The following PKD2L2 variants were observed in gnomAD, a reference collection of about 807,000 sequenced individuals.
The protein encoded by PKD2L2 is polycystin-2-like protein 2.
PKD2L2 carries 67 observed loss-of-function variants against 83.9 expected under a neutral mutation model. That is an observed-to-expected ratio of 0.80 (90% CI 0.66 to 0.98). The LOEUF is 0.98. PKD2L2 is among the 50% of genes least tolerant of loss of function. PKD2L2 has a pLI of 0.00. For synonymous variants in PKD2L2, 223 were observed against 237.8 expected (o/e 0.94, Z 0.57); for missense variants, 632 against 717.2 (o/e 0.88, Z 1.36).
At chr5:137,898,156 G>A (rs2150007052) in intron 4 of PKD2L2, among the ~76,000 whole-genome samples, 1 of 151,940 alleles carries the variant, frequency 6.6e-6, no homozygotes, top group Admixed American at 6.6e-5. Context: ...TAGTAGAGAT[G>A]GGGTTTCACC....
chr5:137,901,983 A>C (rs1316032146), intron 5 of PKD2L2, among the ~76,000 whole-genome samples: 1 of 152,104 alleles, frequency 6.6e-6, no homozygotes, highest in African/African-American at 2.4e-5. Context: ...AAATCATGAA[A>C]GAGATGTGGA....
intron 9 of PKD2L2, among the ~76,000 whole-genome samples, 159 bp from the exon 10 acceptor site, chr5:137,923,261 T>A (rs1033161401): frequency 6.6e-6 from 1 of 152,124 alleles, no homozygotes; most frequent in Non-Finnish European, 1.5e-5. Context: ...AGTGATTCAC[T>A]CACCTTGGTC....
intron 8 of PKD2L2, among the ~76,000 whole-genome samples, chr5:137,911,782 C>G (rs1257467614): frequency 6.6e-6 from 1 of 152,140 alleles, no homozygotes; most frequent in Admixed American, 6.6e-5. Context: ...ATTTTACACC[C>G]ATTGACATAC....
intron 8 of PKD2L2, among the ~76,000 whole-genome samples, chr5:137,911,120 C>T (rs1249405935): frequency 1.3e-5 from 2 of 152,116 alleles, no homozygotes; most frequent in Admixed American, 6.5e-5. Context: ...ACAATAACTC[C>T]CTATTTTCCC....
intron 9 of PKD2L2, 61 bp from the exon 10 acceptor site, chr5:137,923,359 A>T: frequency 1.2e-6 from 1 of 842,954 alleles, no homozygotes; most frequent in Non-Finnish European, 1.9e-6. Context: ...AAAACTTGTT[A>T]AAGTCATTAA....
chr5:137,913,491 A>AT (rs35300343), intron 8 of PKD2L2, among the ~76,000 whole-genome samples: 14,669 of 132,336 alleles, frequency 0.11, 822 homozygotes, highest in Middle Eastern at 0.15. Flanking sequence ...GCCATGGCTA[A>AT]TTTTTTTTTT....
At chr5:137,894,240 C>T in intron 3 of PKD2L2, 113 bp from the exon 4 acceptor site, 1 of 910,564 alleles carries the variant, frequency 1.1e-6, no homozygotes, top group African/African-American at 1.7e-5. Context: ...TTAATGGTAG[C>T]TTGGTCAATA....
chr5:137,941,856 C>A, intron 14 of PKD2L2: 1 of 1,127,302 alleles, frequency 8.9e-7, no homozygotes, highest in African/African-American at 1.6e-5. Context: ...TGCACAATTT[C>A]TAATCCCACG....
chr5:137,925,864 A>G lies in PKD2L2; in HGVS notation c.1617-11A>G, dbSNP rs770105339. On this transcript the variant is annotated splice_polypyrimidine_tract_variant and intron_variant, in intron 11 of 14. Transcript: ENST00000508883. ...CATTTGCCTCTGACTTTTATTTTAT[A>G]TTCTCAATAGCAAAGGCAGCGGAGA... The G allele has an allele frequency of 1.3e-6, 2 of 1,573,706 alleles. No individual in the cohort carries two copies. The highest frequency in any genetic ancestry group is 1.7e-6 in the Non-Finnish European group (2 of 1,147,944).
chr5:137,925,192 T>TTG, intron 11 of PKD2L2, 88 bp downstream of exon 11: 1 of 824,856 alleles, frequency 1.2e-6, no homozygotes, highest in Non-Finnish European at 2.0e-6. Context: ...TGTTTTTTGT[T>TTG]TGTTTGTTTG....
intron 5 of PKD2L2, among the ~76,000 whole-genome samples, chr5:137,904,831 G>A (rs1757238532): frequency 6.6e-6 from 1 of 152,130 alleles, no homozygotes; most frequent in African/African-American, 2.4e-5. Flanking sequence ...TTTCCTGAAT[G>A]GAATATGGAA....
chr5:137,934,868 G>C (rs560569380), intron 12 of PKD2L2, among the ~76,000 whole-genome samples: 2 of 152,100 alleles, frequency 1.3e-5, no homozygotes, highest in Non-Finnish European at 2.9e-5. Flanking sequence ...GGGTGACAGA[G>C]TGAGACTGTC....
At chr5:137,893,351 G>T (rs1462892850) in intron 3 of PKD2L2, among the ~76,000 whole-genome samples, 1 of 152,140 alleles carries the variant, frequency 6.6e-6, no homozygotes, top group African/African-American at 2.4e-5. Context: ...CATTCCTTCA[G>T]CAGTGGAATA....
At position 137,890,598 on chromosome 5, in the gene PKD2L2, T is replaced by A. The variant is rs200652572; in HGVS notation, c.133+16T>A. 3.8e-6 allele frequency: 4 copies of A among 1,048,348 alleles called. No homozygotes were observed. In the East Asian group the frequency reaches 7.8e-5, roughly 20 times the overall value. The allele number at this position is 1,048,348 out of a possible 1,614,324, so 64.9% of individuals were successfully genotyped here. On this transcript the variant is annotated intron_variant, in intron 2 of 14. Transcript: ENST00000508883. ...CTATGTATATGTAAGTACACAGATA[T>A]AAAGATGCTGTTTGTTTGAACTAAG...
chr5:137,897,655 A>T (rs911775696), intron 4 of PKD2L2, among the ~76,000 whole-genome samples: 2 of 152,202 alleles, frequency 1.3e-5, no homozygotes, highest in Admixed American at 6.5e-5. Flanking sequence ...AAAAACAAAA[A>T]ATTGGAAGCT....
intron 12 of PKD2L2, among the ~76,000 whole-genome samples, chr5:137,929,793 C>T (rs1759714334): frequency 6.6e-6 from 1 of 152,010 alleles, no homozygotes; most frequent in African/African-American, 2.4e-5. Context: ...ACAAAGCAAA[C>T]CCAGTTCTAT....
Position 137,925,092 on chromosome 5 carries a change from A to G in PKD2L2, c.1604A>G (p.Glu535Gly), listed in dbSNP as rs1002052363. The G allele has an allele frequency of 6.3e-7, 1 of 1,597,336 alleles. No individual in the cohort carries two copies. The highest frequency in any genetic ancestry group is 8.6e-7 in the Non-Finnish European group (1 of 1,164,998). Residue 535 changes from glutamate to glycine, a missense_variant, in exon 11 of 15, where the codon GAA becomes GGA. By Grantham distance (98) the Glu-to-Gly change is moderately conservative (BLOSUM62 -2). Coordinates refer to ENST00000508883, the MANE Select transcript of PKD2L2 (RefSeq NM_001300921.2). ...AGACTGAAGAAAGCTCAAAAAGATG[A>G]AGACAAGAAAACGTAAGATGACTTC... ...KFRLKKAQKD[E>G]DKKTKGSGDL...
intron 6 of PKD2L2, among the ~76,000 whole-genome samples, chr5:137,907,398 G>A (rs761817529): frequency 3.0e-4 from 45 of 152,014 alleles, no homozygotes; most frequent in Non-Finnish European, 5.9e-4. Context: ...AGTGTTACAC[G>A]GTAGAAAATG....
chr5:137,906,766 T>G (rs1757405632), intron 6 of PKD2L2, among the ~76,000 whole-genome samples: 1 of 76,170 alleles, frequency 1.3e-5, no homozygotes. Flanking sequence ...CAGTCACGGG[T>G]CTTTGGGGGC....
Sources: allele counts gnomAD v4.1 joint callset (sites outside exome capture counted in the v4.1 genomes callset), GRCh38; gene constraint gnomAD v4.1.1; transcripts MANE v1.5; gene names NCBI Gene and HGNC (gene_info 2026-07-23, HGNC 2026-07-21).